The following DYNC1I1 variants were observed in gnomAD, a reference collection of about 807,000 sequenced individuals.
DYNC1I1 encodes dynein cytoplasmic 1 intermediate chain 1.
In DYNC1I1, 43 loss-of-function variants were observed where a neutral mutation model predicts 86.6. The ratio of observed to expected loss-of-function variants is 0.50; its 90% CI spans 0.39 to 0.64. The LOEUF is 0.64. Among genes scored for constraint, DYNC1I1 ranks in the 30% least tolerant of loss-of-function variants. DYNC1I1 has a pLI of 0.00. For missense variants in DYNC1I1, 604 were observed against 788.8 expected, an observed-to-expected ratio of 0.77 and a Z score of 2.81; for synonymous variants, 262 against 283.7, an observed-to-expected ratio of 0.92 and a Z score of 0.77.
At position 95,865,829 on chromosome 7, in the gene DYNC1I1, C is replaced by T. The variant is rs115560875; in HGVS notation, c.375-4054C>T. ...CATACCATCTAGGTTTGCGTAAGTG[C>T]GGTCTGTGATATTTGCACAATGACA... is the stretch of plus-strand genomic sequence containing the variant. On this transcript the variant is annotated intron_variant, in intron 5 of 16. Coordinates refer to ENST00000447467, the MANE Select transcript of DYNC1I1 (RefSeq NM_001135556.2). Among the ~76,000 whole-genome samples the T allele has an allele frequency of 2.6e-3, 401 of 152,254 alleles. 1 individual carries two copies. The highest frequency in any genetic ancestry group is 9.1e-3 in the African/African-American group (378 of 41,544).
At chr7:96,001,145 TCC>T (rs1490790650) in intron 10 of DYNC1I1, among the ~76,000 whole-genome samples, 1 of 152,132 alleles carries the variant, frequency 6.6e-6, no homozygotes, top group Non-Finnish European at 1.5e-5. Flanking sequence ...TTCCCTTCTC[TCC>T]CCATCCACTG....
At chr7:95,991,436 G>A (rs1448529153) in intron 9 of DYNC1I1, among the ~76,000 whole-genome samples, 1 of 152,170 alleles carries the variant, frequency 6.6e-6, no homozygotes, top group African/African-American at 2.4e-5. Flanking sequence ...GGGAATTCAT[G>A]AAAAAGATGA....
intron 15 of DYNC1I1, among the ~76,000 whole-genome samples, chr7:96,076,688 G>A (rs538738712): frequency 7.2e-5 from 11 of 152,266 alleles, no homozygotes; most frequent in Admixed American, 5.2e-4. Flanking sequence ...TCATCCATTT[G>A]ATTTGTACCA....
At chr7:96,016,659 A>G (rs1794409332) in intron 10 of DYNC1I1, among the ~76,000 whole-genome samples, 1 of 152,080 alleles carries the variant, frequency 6.6e-6, no homozygotes, top group South Asian at 2.1e-4. Flanking sequence ...CTTCTCTTGG[A>G]TTCTGTAGCT....
chr7:95,862,716 G>A (rs1192951110), intron 5 of DYNC1I1, among the ~76,000 whole-genome samples: 1 of 152,244 alleles, frequency 6.6e-6, no homozygotes, highest in Non-Finnish European at 1.5e-5. Flanking sequence ...ATGTATTCAA[G>A]ATAATTGAAA....
chr7:96,071,012 G>A lies in DYNC1I1; in HGVS notation c.1510-5045G>A, dbSNP rs1052371238. 5.9e-5 allele frequency among the ~76,000 whole-genome samples: 9 copies of A among 152,264 alleles called. No homozygotes were observed. The East Asian group carries it at 1.5e-3, about 26-fold the overall frequency. On this transcript the variant is annotated intron_variant, in intron 14 of 16. Coordinates refer to ENST00000447467, the MANE Select transcript of DYNC1I1 (RefSeq NM_001135556.2). ...GTCTTATTGTAAAACACTGATGAAT[G>A]CTGTGAGTTTCATTTTTTAAACAGA... is the stretch of plus-strand genomic sequence containing the variant.
intron 16 of DYNC1I1, among the ~76,000 whole-genome samples, chr7:96,104,531 AT>A (rs1791186484): frequency 6.6e-6 from 1 of 152,048 alleles, no homozygotes; most frequent in African/African-American, 2.4e-5. Context: ...TGGTTCTTAA[AT>A]TAATTTTTGT....
At chr7:95,937,511 A>G (rs1267675340) in intron 6 of DYNC1I1, among the ~76,000 whole-genome samples, 1 of 151,944 alleles carries the variant, frequency 6.6e-6, no homozygotes, top group African/African-American at 2.4e-5. Context: ...CGTTCAAAAA[A>G]AAAAAAGCAC....
chr7:95,925,557 T>C (rs1419120840), intron 6 of DYNC1I1, among the ~76,000 whole-genome samples: 2 of 152,226 alleles, frequency 1.3e-5, no homozygotes, highest in Non-Finnish European at 2.9e-5. Flanking sequence ...GAAATGGCTT[T>C]GAATGTTGCG....
At chr7:95,961,530 T>G (rs986110342) in intron 6 of DYNC1I1, among the ~76,000 whole-genome samples, 5 of 152,244 alleles carry the variant, frequency 3.3e-5, no homozygotes, top group Admixed American at 2.0e-4. Flanking sequence ...AGCTATTTGT[T>G]TTCATGATTC....
chr7:95,846,623 C>CTGTGTGTGTGTGTGTGTGTGTG (rs1314616292), intron 5 of DYNC1I1, among the ~76,000 whole-genome samples: 14 of 121,240 alleles, frequency 1.2e-4, no homozygotes, highest in Admixed American at 2.3e-4. Flanking sequence ...ATAAATCTCT[C>CTGTGTGTGTGTGTGTGTGTGTG]TCTCTGTGTG....
chr7:95,784,588 A>G (rs752255311), intron 1 of DYNC1I1, among the ~76,000 whole-genome samples: 16 of 151,994 alleles, frequency 1.1e-4, no homozygotes, highest in Non-Finnish European at 1.9e-4. Context: ...GGGCATGAAG[A>G]CTCTGTCTTT....
rs1236489557 is a variant in DYNC1I1, at chr7:95,846,627, C to CTGTGTGTG, written c.374+18544_374+18551dup. ...GAACATAAATGATAAATCTCTCTCT[C>CTGTGTGTG]TGTGTGTGTGTGTGTGTGTGTGTGT... On this transcript the variant is annotated intron_variant, in intron 5 of 16. Transcript: ENST00000447467. Among the ~76,000 whole-genome samples, 642 of 136,544 alleles carry CTGTGTGTG rather than the reference C, an allele frequency of 4.7e-3. 4 individuals are homozygous for CTGTGTGTG. The highest frequency in any genetic ancestry group is 0.013 in the African/African-American group (480 of 36,862). 89.6% of individuals were successfully genotyped at this position (136,544 alleles called of 152,430 possible).
At chr7:95,854,721 A>G (rs1789670535) in intron 5 of DYNC1I1, among the ~76,000 whole-genome samples, 1 of 152,196 alleles carries the variant, frequency 6.6e-6, no homozygotes, top group Admixed American at 6.5e-5. Flanking sequence ...TAATTGAGCA[A>G]CGAACAGTTC....
intron 6 of DYNC1I1, among the ~76,000 whole-genome samples, chr7:95,943,077 C>A (rs1331853181): frequency 7.8e-6 from 1 of 128,822 alleles, no homozygotes; most frequent in Non-Finnish European, 1.6e-5. Context: ...AAGAGGAAGT[C>A]AAATTGTCCC....
chr7:96,087,708 A>G (rs1050055834), intron 16 of DYNC1I1, among the ~76,000 whole-genome samples: 6 of 152,204 alleles, frequency 3.9e-5, no homozygotes, highest in African/African-American at 1.4e-4. Context: ...ATAGCAGTTG[A>G]TGGCATAAGA....
intron 9 of DYNC1I1, among the ~76,000 whole-genome samples, chr7:95,991,561 A>G (rs796187224): frequency 2.0e-5 from 3 of 152,260 alleles, no homozygotes; most frequent in African/African-American, 7.2e-5. Flanking sequence ...CTCAGTTCAA[A>G]GTTTACAATA....
At chr7:95,966,244 C>A (rs1793009272) in intron 6 of DYNC1I1, among the ~76,000 whole-genome samples, 2 of 152,194 alleles carry the variant, frequency 1.3e-5, no homozygotes, top group South Asian at 2.1e-4. Flanking sequence ...TCTGTCATTG[C>A]AGCTTGATTA....
chr7:95,941,959 G>A (rs965381260), intron 6 of DYNC1I1, among the ~76,000 whole-genome samples: 10 of 152,084 alleles, frequency 6.6e-5, no homozygotes, highest in African/African-American at 2.4e-4. Flanking sequence ...ACAATTAAAA[G>A]AACTAGAAAA....
Sources: allele counts gnomAD v4.1 joint callset (sites outside exome capture counted in the v4.1 genomes callset), GRCh38; gene constraint gnomAD v4.1.1; transcripts MANE v1.5; gene names NCBI Gene and HGNC (gene_info 2026-07-23, HGNC 2026-07-21).